Variants in SAMD4A observed in about 807,000 individuals in gnomAD.
SAMD4A encodes sterile alpha motif domain containing 4A, also known as protein Smaug homolog 1.
In SAMD4A, 33 loss-of-function variants were observed where a neutral mutation model predicts 81.3. The ratio of observed to expected loss-of-function variants is 0.41; its 90% confidence interval spans 0.31 to 0.54. The LOEUF is 0.54. Among genes scored for constraint, SAMD4A ranks in the 20% least tolerant of loss-of-function variants. SAMD4A has a pLI of 0.37. For synonymous variants in SAMD4A, 389 were observed against 382.1 expected, an observed-to-expected ratio of 1.02 and a Z score of -0.21; for missense variants, 854 against 951.1, an observed-to-expected ratio of 0.90 and a Z score of 1.34.
intron 9 of SAMD4A, among the ~76,000 whole-genome samples, chr14:54,773,675 G>A (rs1469423954): frequency 6.6e-6 from 1 of 152,240 alleles, no homozygotes; most frequent in Non-Finnish European, 1.5e-5. Context: ...CCCTTATGCA[G>A]CCGACTTTGC....
intron 3 of SAMD4A, among the ~76,000 whole-genome samples, chr14:54,734,260 T>A (rs1226773645): frequency 6.6e-6 from 1 of 152,186 alleles, no homozygotes; most frequent in Non-Finnish European, 1.5e-5. Flanking sequence ...TTGATTGAGG[T>A]GTGGCATTCA....
At chr14:54,781,003 T>G (rs569120566) in intron 11 of SAMD4A, among the ~76,000 whole-genome samples, 11 of 152,256 alleles carry the variant, frequency 7.2e-5, no homozygotes, top group African/African-American at 2.6e-4. Flanking sequence ...CCTTTCTTCT[T>G]TACTCATCTC....
chr14:54,761,126 T>C (rs961069035), intron 7 of SAMD4A, among the ~76,000 whole-genome samples: 10 of 152,258 alleles, frequency 6.6e-5, no homozygotes, highest in Non-Finnish European at 1.2e-4. Context: ...TACGAATAGC[T>C]TGTGCTTATT....
intron 2 of SAMD4A, among the ~76,000 whole-genome samples, chr14:54,649,411 G>A (rs939925163): frequency 9.9e-5 from 15 of 152,196 alleles, no homozygotes; most frequent in South Asian, 2.1e-4. Flanking sequence ...TTATACTGTC[G>A]TTGAAGCTGC....
Position 54,760,155 on chromosome 14 carries a change from G to A in SAMD4A, c.1177-6G>A, listed in dbSNP as rs574268668. On this transcript the variant is annotated splice_region_variant and splice_polypyrimidine_tract_variant and intron_variant, in intron 6 of 12. Transcript: ENST00000554335. ...TAACAGAGGTCTTCCTGCTCTCACC[G>A]TCCAGGACATCATCGAGGGGGGCAG... 185 of 1,604,826 alleles carry A rather than the reference G, an allele frequency of 1.2e-4. 6 individuals are homozygous for A. Among genetic ancestry groups the A allele is most frequent in the African/African-American group, 6.7e-5 (5 of 74,486 alleles).
intron 2 of SAMD4A, among the ~76,000 whole-genome samples, chr14:54,618,034 G>A (rs1001774005): frequency 2.6e-5 from 4 of 152,084 alleles, no homozygotes; most frequent in East Asian, 1.9e-4. Context: ...GTTTTTTCCC[G>A]AAGGAGTTTG....
chr14:54,647,845 G>A (rs1052269620), intron 2 of SAMD4A, among the ~76,000 whole-genome samples: 1 of 152,212 alleles, frequency 6.6e-6, no homozygotes, highest in Non-Finnish European at 1.5e-5. Context: ...GAGGGGATAG[G>A]TTCTGTACTA....
chr14:54,578,596 C>T (rs1003893268), intron 2 of SAMD4A, among the ~76,000 whole-genome samples: 3 of 151,828 alleles, frequency 2.0e-5, no homozygotes, highest in Non-Finnish European at 4.4e-5. Context: ...CCTGTAGTCC[C>T]AACTACTCGG....
intron 2 of SAMD4A, among the ~76,000 whole-genome samples, chr14:54,623,480 CAGCAAA>C (rs2034666428): frequency 8.4e-5 from 1 of 11,842 alleles, no homozygotes; most frequent in Non-Finnish European, 1.6e-4. Flanking sequence ...ACTTGGACAT[CAGCAAA>C]AAAAAAAAAA....
intron 3 of SAMD4A, among the ~76,000 whole-genome samples, chr14:54,728,556 G>C (rs1279064396): frequency 6.6e-6 from 1 of 151,794 alleles, no homozygotes; most frequent in Non-Finnish European, 1.5e-5. Flanking sequence ...TTTTTGAATG[G>C]TCATTTATGT....
intron 4 of SAMD4A, among the ~76,000 whole-genome samples, chr14:54,746,439 T>C (rs1050293717): frequency 6.6e-6 from 1 of 152,204 alleles, no homozygotes; most frequent in African/African-American, 2.4e-5. Context: ...ATAGGAGCCT[T>C]TTTTAGGAAA....
At chr14:54,744,650 G>A (rs1423742705) in intron 4 of SAMD4A, among the ~76,000 whole-genome samples, 2 of 152,164 alleles carry the variant, frequency 1.3e-5, no homozygotes, top group Non-Finnish European at 2.9e-5. Context: ...GTGGTGCTTT[G>A]TCCCAGAAAC....
At chr14:54,578,829 T>A (rs1036828384) in intron 2 of SAMD4A, among the ~76,000 whole-genome samples, 12 of 152,202 alleles carry the variant, frequency 7.9e-5, no homozygotes, top group Non-Finnish European at 1.6e-4. Context: ...TGTAGATTAA[T>A]TTTCAGTTTT....
At chr14:54,617,132 AATATAGTAAT>A (rs776227202) in intron 2 of SAMD4A, among the ~76,000 whole-genome samples, 2 of 152,196 alleles carry the variant, frequency 1.3e-5, no homozygotes, top group Non-Finnish European at 2.9e-5. Flanking sequence ...GTGATGTTTA[AATATAGTAAT>A]ATTCTTTACA....
At chr14:54,704,778 T>C (rs1363552305) in intron 3 of SAMD4A, among the ~76,000 whole-genome samples, 1 of 152,210 alleles carries the variant, frequency 6.6e-6, no homozygotes, top group African/African-American at 2.4e-5. Context: ...CTCATGACCA[T>C]ATCAACACTT....
At chr14:54,733,163 C>G (rs534778814) in intron 3 of SAMD4A, among the ~76,000 whole-genome samples, 41 of 152,300 alleles carry the variant, frequency 2.7e-4, no homozygotes, top group African/African-American at 8.7e-4. Context: ...ATAAGAACCT[C>G]TGAACTCCCA....
rs766202925 is a variant in SAMD4A at position 54,722,556 on chromosome 14, C to T, written c.716-14468C>T. Among the ~76,000 whole-genome samples the T allele has an allele frequency of 2.0e-5, 3 of 152,212 alleles. No homozygotes were observed. In the East Asian group the frequency reaches 5.8e-4, roughly 29 times the overall value. On this transcript the variant is annotated intron_variant, in intron 3 of 12. Coordinates refer to ENST00000554335, the MANE Select transcript of SAMD4A (RefSeq NM_015589.6). ...ACTAATGACCATTGATATGCTGTGA[C>T]GGATGAAGACCAAAAACATTAGGGT...
intron 9 of SAMD4A, among the ~76,000 whole-genome samples, chr14:54,774,124 G>A (rs540976718): frequency 3.3e-5 from 5 of 152,240 alleles, no homozygotes; most frequent in Non-Finnish European, 7.3e-5. Context: ...GAGAAGATGC[G>A]GTAGGGAGGC....
intron 2 of SAMD4A, among the ~76,000 whole-genome samples, chr14:54,612,387 C>T (rs2034380224): frequency 6.6e-6 from 1 of 152,052 alleles, no homozygotes; most frequent in Non-Finnish European, 1.5e-5. Context: ...TCATTAGAAG[C>T]TCTTTCCTGC....
Sources: allele counts gnomAD v4.1 joint callset (sites outside exome capture counted in the v4.1 genomes callset), GRCh38; gene constraint gnomAD v4.1.1; transcripts MANE v1.5; gene names NCBI Gene and HGNC (gene_info 2026-07-23, HGNC 2026-07-21).